RGS8: variants seen among roughly 807,000 people sequenced by gnomAD.
RGS8 encodes the protein regulator of G-protein signaling 8.
RGS8 carries 8 observed loss-of-function variants against 21.7 expected under a neutral mutation model. The ratio of observed to expected loss-of-function variants is 0.37; its 90% CI spans 0.22 to 0.66. The LOEUF is 0.66. Ranked by LOEUF, RGS8 falls within the 30% of genes least tolerant of loss-of-function variation. The pLI, the probability that RGS8 is intolerant of heterozygous loss-of-function variation, is 0.59. For synonymous variants in RGS8, 80 were observed against 83.6 expected (o/e 0.96, Z 0.24); for missense variants, 157 against 217.9 (o/e 0.72, Z 1.76).
At chr1:182,746,899 C>A in the RGS8 span, among the ~76,000 whole-genome samples, 9 of 151,744 alleles carry the variant, frequency 5.9e-5, no homozygotes, top group African/African-American at 2.2e-4. Context: ...CATCTCCTAT[C>A]TTTTGCTTTT....
the RGS8 span, among the ~76,000 whole-genome samples, chr1:182,731,732 T>C: frequency 6.6e-6 from 1 of 152,216 alleles, no homozygotes; most frequent in Non-Finnish European, 1.5e-5. Context: ...AAACACAAAA[T>C]TTAGAAATCC....
chr1:182,726,011 C>T, the RGS8 span, among the ~76,000 whole-genome samples: 1 of 152,330 alleles, frequency 6.6e-6, no homozygotes, highest in South Asian at 2.1e-4. Context: ...TCAGCTTCCA[C>T]AACTGCTATT....
At chr1:182,685,452 C>T (rs940635314), upstream of RGS8, among the ~76,000 whole-genome samples, 4 of 152,200 alleles carry the variant, frequency 2.6e-5, no homozygotes, top group African/African-American at 7.2e-5. Context: ...CTTACAGTCA[C>T]CAGCTCTATT....
chr1:182,728,191 A>C, the RGS8 span, among the ~76,000 whole-genome samples: 1 of 152,250 alleles, frequency 6.6e-6, no homozygotes, highest in Admixed American at 6.5e-5. Context: ...GCTTCCAAAG[A>C]CTAAACCTGA....
chr1:182,709,988 A>G, the RGS8 span, among the ~76,000 whole-genome samples: 2 of 152,180 alleles, frequency 1.3e-5, no homozygotes, highest in Non-Finnish European at 2.9e-5. Flanking sequence ...GTCAACTCCA[A>G]TCATTTTTCC....
the RGS8 span, among the ~76,000 whole-genome samples, chr1:182,736,588 C>A: frequency 6.6e-6 from 1 of 152,126 alleles, no homozygotes; most frequent in Non-Finnish European, 1.5e-5. Context: ...AACCACAAGC[C>A]AGTATGAGAT....
chr1:182,649,805 A>G (rs1662908638), intron 5 of RGS8, among the ~76,000 whole-genome samples: 1 of 152,166 alleles, frequency 6.6e-6, no homozygotes, highest in Admixed American at 6.5e-5. Context: ...GGGCACATAC[A>G]ACCTAGAATA....
intron 1 of RGS8, among the ~76,000 whole-genome samples, chr1:182,679,898 A>G (rs755066924): frequency 3.9e-5 from 6 of 152,156 alleles, no homozygotes; most frequent in Non-Finnish European, 8.8e-5. Flanking sequence ...TGGCACCACC[A>G]TCTACTGAGT....
chr1:182,722,497 A>C, the RGS8 span, among the ~76,000 whole-genome samples: 1 of 151,496 alleles, frequency 6.6e-6, no homozygotes, highest in South Asian at 2.1e-4. Flanking sequence ...CTGGAGAAAA[A>C]TCTCTCCTTG....
chr1:182,650,609 C>G (rs1662961951), intron 5 of RGS8, among the ~76,000 whole-genome samples: 1 of 152,166 alleles, frequency 6.6e-6, no homozygotes, highest in South Asian at 2.1e-4. Context: ...TACCTGTAGT[C>G]TCAACATTTG....
the RGS8 span, among the ~76,000 whole-genome samples, chr1:182,708,232 G>A: frequency 6.6e-6 from 1 of 152,154 alleles, no homozygotes; most frequent in Non-Finnish European, 1.5e-5. Flanking sequence ...GAGTCCACCA[G>A]AAAAAGTCTG....
chr1:182,666,109 C>A, intron 4 of RGS8, 76 bp from the exon 6 acceptor site: 1 of 1,307,450 alleles, frequency 7.6e-7, no homozygotes, highest in South Asian at 1.2e-5. Context: ...AAGATTTGCT[C>A]AAGAAAACAA....
At chr1:182,724,025 A>G in the RGS8 span, among the ~76,000 whole-genome samples, 1 of 151,494 alleles carries the variant, frequency 6.6e-6, no homozygotes, top group African/African-American at 2.4e-5. Context: ...TGAAGTATGC[A>G]AAATATTGAT....
chr1:182,645,653 C>A (rs1662669200), downstream of RGS8: 1 of 152,204 alleles, frequency 6.6e-6, no homozygotes, highest in South Asian at 2.1e-4. Context: ...AGAGAGAGAT[C>A]TTTCTAAGAA....
At chr1:182,736,645 T>A in the RGS8 span, among the ~76,000 whole-genome samples, 1 of 151,922 alleles carries the variant, frequency 6.6e-6, no homozygotes, top group Non-Finnish European at 1.5e-5. Flanking sequence ...GCAGTAGGAG[T>A]CCAACATAGA....
the RGS8 span, among the ~76,000 whole-genome samples, chr1:182,694,635 T>C: frequency 1.3e-5 from 2 of 152,028 alleles, no homozygotes; most frequent in East Asian, 3.9e-4. Context: ...GGTGAAACCC[T>C]GTCTCTACTA....
the RGS8 span, among the ~76,000 whole-genome samples, chr1:182,702,338 G>A: frequency 6.6e-6 from 1 of 152,080 alleles, no homozygotes; most frequent in Admixed American, 6.6e-5. Flanking sequence ...TAAACATTGG[G>A]TACTCACGGA....
intron 5 of RGS8, among the ~76,000 whole-genome samples, chr1:182,648,721 C>A (rs1251218031): frequency 6.6e-6 from 1 of 151,884 alleles, no homozygotes; most frequent in East Asian, 1.9e-4. Context: ...GGCGACAGAG[C>A]GAGACTCCGT....
At chr1:182,703,447 G>T in the RGS8 span, among the ~76,000 whole-genome samples, 5 of 152,122 alleles carry the variant, frequency 3.3e-5, no homozygotes, top group Admixed American at 6.5e-5. Flanking sequence ...GTGGCCAAAA[G>T]GTACATTTGC....
Sources: allele counts gnomAD v4.1 joint callset (sites outside exome capture counted in the v4.1 genomes callset), GRCh38; gene constraint gnomAD v4.1.1; transcripts MANE v1.5; gene names NCBI Gene and HGNC (gene_info 2026-07-23, HGNC 2026-07-21).